Variants in NOTCH1 observed in about 807,000 individuals in gnomAD.
The protein encoded by NOTCH1 is notch receptor 1.
In NOTCH1, 37 loss-of-function variants were observed where a neutral mutation model predicts 254.8. That is an observed-to-expected ratio of 0.15 (90% confidence interval 0.11 to 0.19). The LOEUF is 0.19. Among genes scored for constraint, NOTCH1 ranks in the 10% least tolerant of loss-of-function variants. The probability of loss-of-function intolerance (pLI) is 1.00; values close to 1 mark genes in which losing one functional copy is unlikely to be tolerated. For synonymous variants in NOTCH1, 1,731 were observed against 1,618.1 expected (o/e 1.07, Z -1.68); for missense variants, 2,972 against 3,708.6 (o/e 0.80, Z 5.16).
At chr9:136,526,563 A>T (rs1380727652) in intron 2 of NOTCH1, among the ~76,000 whole-genome samples, 3 of 152,134 alleles carry the variant, frequency 2.0e-5, no homozygotes, top group African/African-American at 7.2e-5. Context: ...GGGACCCCAG[A>T]GGGGAGACGC....
chr9:136,544,395 C>T (rs529948719), intron 1 of NOTCH1, among the ~76,000 whole-genome samples: 9 of 152,150 alleles, frequency 5.9e-5, no homozygotes, highest in Non-Finnish European at 1.0e-4. Flanking sequence ...CCTGATGTGC[C>T]GCCTGGACGC....
chr9:136,527,570 T>C (rs553477748), intron 2 of NOTCH1, among the ~76,000 whole-genome samples: 3 of 152,128 alleles, frequency 2.0e-5, no homozygotes, highest in African/African-American at 4.8e-5. Context: ...GGCTAAAAAG[T>C]GAGGCTTGAG....
At position 136,498,890 on chromosome 9, in the gene NOTCH1, C is replaced by A. The variant is rs200371378; in HGVS notation, c.6180+9G>T. 11 of 1,613,298 alleles carry A rather than the reference C, an allele frequency of 6.8e-6. No homozygotes were observed. Among genetic ancestry groups the A allele is most frequent in the Non-Finnish European group, 8.5e-6 (10 of 1,179,912 alleles). On this transcript the variant is annotated intron_variant, in intron 33 of 33. Coordinates refer to ENST00000651671, the MANE Select transcript of NOTCH1 (RefSeq NM_017617.5). ...CACGTCTCCCCTGGCATCCCAGCCT[C>A]GCGCTCACCCTGTTGTTCTGCATAT... is the stretch of plus-strand genomic sequence containing the variant.
chr9:136,522,003 A>G, intron 4 of NOTCH1, among the ~76,000 whole-genome samples: 1 of 137,976 alleles, frequency 7.2e-6, no homozygotes. Context: ...TTTGAGACGG[A>G]GTCTCGCTCT....
chr9:136,516,933 G>A (rs1055704771), intron 9 of NOTCH1, among the ~76,000 whole-genome samples: 9 of 151,336 alleles, frequency 5.9e-5, no homozygotes, highest in Non-Finnish European at 1.3e-4. Context: ...AGGCCGGGGT[G>A]CAGACGGCCC....
chr9:136,519,389 G>A lies in NOTCH1; in HGVS notation c.865+54C>T, dbSNP rs967478622. 8 of 1,607,034 alleles carry A rather than the reference G, an allele frequency of 5.0e-6. No homozygotes were observed. The South Asian group carries it at 6.6e-5, about 13-fold the overall frequency. On this transcript the variant is annotated intron_variant, in intron 5 of 33. Transcript: ENST00000651671. The stretch of plus-strand genomic sequence containing the variant: ...TATGCCTGTGAGTGCAGTTTAGTAA[G>A]TGGGTAGCAGCCCCGCCCCGGCTAC...
Position 136,501,893 on chromosome 9 carries a change from C to A in NOTCH1, c.5493G>T (p.Leu1831=). 6.2e-7 allele frequency: 1 copy of A among 1,612,080 alleles called. No individual in the cohort carries two copies. Among genetic ancestry groups the A allele is most frequent in the Non-Finnish European group, 8.5e-7 (1 of 1,179,964 alleles). The change falls in exon 30 of 34, where the codon CTG becomes CTT. Residue 1831 remains leucine (L), a synonymous_variant. Transcript: ENST00000651671. The stretch of plus-strand genomic sequence containing the variant: ...GGTCTGTCTGGTCGTCCAGGTCAGG[C>A]AGAACCACGGGCTCCTCGAACTACA... ...KKFRFEEPVV[L]PDLDDQTDHR...
intron 28 of NOTCH1, 28 bp downstream of exon 28, chr9:136,502,244 C>T (rs2133330668): frequency 6.2e-7 from 1 of 1,606,160 alleles, no homozygotes. Flanking sequence ...CCACCGGGGA[C>T]CCAGAAGCAG....
rs1246200252 is a variant in NOTCH1, at chr9:136,513,209, T to TG, written c.2354-76dup. 10 of 1,444,176 alleles carry TG rather than the reference T, an allele frequency of 6.9e-6. No homozygotes were observed. Among genetic ancestry groups the TG allele is most frequent in the Non-Finnish European group, 9.7e-6 (10 of 1,029,446 alleles). 89.5% of individuals were successfully genotyped at this position (1,444,176 alleles called of 1,614,324 possible). ...TGGCAGGGCCCCACAACAGCAGCCC[T>TG]GGGCCTGCTCCCCACCCCAGGCCCC... On this transcript the variant is annotated intron_variant, in intron 14 of 33. Transcript: ENST00000651671. This position sits in a 1 kb window ranked among gnomAD's most constrained non-coding sequence, Gnocchi z 4.7.
intron 30 of NOTCH1, among the ~76,000 whole-genome samples, chr9:136,501,272 A>C (rs1465360536): frequency 6.6e-6 from 1 of 151,932 alleles, no homozygotes; most frequent in Non-Finnish European, 1.5e-5. Flanking sequence ...CATCGCTGCT[A>C]AAAATACAAA....
In NOTCH1 at chr9:136,513,576, A is replaced by C; in HGVS notation, c.2208-39T>G. On this transcript the variant is annotated intron_variant, in intron 13 of 33. Transcript: ENST00000651671. This position sits in a 1 kb window ranked among gnomAD's most constrained non-coding sequence, Gnocchi z 4.7. The stretch of plus-strand genomic sequence containing the variant: ...CACACTGCAGGTCGAGGGAGGCCCG[A>C]GCAGCACGGCCGGGGCCTGGGCACT... The C allele has an allele frequency of 1.2e-6, 2 of 1,611,358 alleles. No homozygotes were observed. The highest frequency in any genetic ancestry group is 1.7e-6 in the Non-Finnish European group (2 of 1,179,404).
In NOTCH1 at chr9:136,508,090, C is replaced by T. The variant is rs774729875; in HGVS notation, c.3375G>A (p.Ala1125=). ...GGCAGCGGCAGTGGTGCGTGTTGCC[C>T]GCGTCCACACAGAGCCCTCCATGCT... ...LCQHGGLCVD[A]GNTHHCRCQA... Residue 1125 remains alanine, a synonymous_variant, in exon 21 of 34, where the codon GCG becomes GCA. Transcript: ENST00000651671. 3.7e-6 allele frequency: 6 copies of T among 1,609,300 alleles called. No individual in the cohort carries two copies. The highest frequency in any genetic ancestry group is 2.2e-5 in the South Asian group (2 of 91,090).
At chr9:136,523,637 C>A (rs1200165750) in intron 3 of NOTCH1, 80 bp downstream of exon 3, 1 of 1,526,832 alleles carries the variant, frequency 6.5e-7, no homozygotes, top group Non-Finnish European at 8.8e-7. Flanking sequence ...GCCTGGATCC[C>A]GCCAAGTACC....
chr9:136,504,994 G>T lies in NOTCH1; in HGVS notation c.4697C>A (p.Pro1566His), dbSNP rs2133337356. The change falls in exon 26 of 34, where the codon CCC (proline) becomes CAC (histidine). Residue 1566 changes from proline (P) to histidine (H), a missense_variant. Transcript: ENST00000651671. ...CAGCGTGCCGGCCGCCAGCCTCTCG[G>T]GTACATGCTCCGCACAGTCCAGCCC... Reference protein sequence around the residue: ...WDGLDCAEHVPERLAAGTLVV... With the variant: ...WDGLDCAEHVHERLAAGTLVV... 6.3e-7 allele frequency: 1 copy of T among 1,599,390 alleles called. No individual in the cohort carries two copies. Among genetic ancestry groups the T allele is most frequent in the Non-Finnish European group, 8.5e-7 (1 of 1,174,198 alleles).
At chr9:136,518,449 A>T in intron 6 of NOTCH1, 142 bp downstream of exon 6, 3 of 1,131,968 alleles carry the variant, frequency 2.7e-6, no homozygotes, top group Non-Finnish European at 3.8e-6. Context: ...GGGGACTCAC[A>T]GCGACCACCG....
intron 2 of NOTCH1, among the ~76,000 whole-genome samples, chr9:136,531,474 T>A (rs1046090108): frequency 1.3e-5 from 2 of 152,182 alleles, no homozygotes; most frequent in Admixed American, 6.5e-5. Flanking sequence ...ACGGTCTGGA[T>A]GTTTTGCCTG....
chr9:136,539,040 G>A (rs1032197818), intron 2 of NOTCH1, among the ~76,000 whole-genome samples: 1 of 152,212 alleles, frequency 6.6e-6, no homozygotes, highest in Non-Finnish European at 1.5e-5. Flanking sequence ...GAGGAATGAA[G>A]CCAGTCCCGG....
In NOTCH1 at chr9:136,518,817, G is replaced by A. The variant is rs143654474; in HGVS notation, c.873C>T (p.Tyr291=). 8.0e-4 allele frequency: 1,292 copies of A among 1,612,690 alleles called. 11 individuals carry two copies. In the African/African-American group the frequency reaches 0.015, roughly 19 times the overall value. ...GGCACTCGTCCACATCCTCGGTACA[G>A]TACTGACCTGCAGGGAACAGGAGCT... ...CRCPPEWTGQ[Y]CTEDVDECQL... The change falls in exon 6 of 34, where the codon TAC becomes TAT. Residue 291 remains tyrosine, a synonymous_variant. Transcript: ENST00000651671.
Position 136,515,403 on chromosome 9 carries a change from G to A in NOTCH1, c.1904-3C>T, listed in dbSNP as rs748118679. 8 of 1,612,762 alleles carry A rather than the reference G, an allele frequency of 5.0e-6. No individual in the cohort carries two copies. The highest frequency in any genetic ancestry group is 6.8e-6 in the Non-Finnish European group (8 of 1,179,942). ...CAGGTTGATCTCGCAGTTGGGTCCT[G>A]AAGGGGTGGCACGTGTCGGTCAGTC... On this transcript the variant is annotated splice_polypyrimidine_tract_variant and splice_region_variant and intron_variant, in intron 11 of 33. Transcript: ENST00000651671.
Sources: gnomAD v4.1 joint callset for allele counts (sites outside exome capture counted in the v4.1 genomes callset) on GRCh38, gnomAD v4.1.1 for gene constraint, Gnocchi (gnomAD v3.1) non-coding constraint, MANE v1.5 for transcripts, NCBI Gene and HGNC (gene_info 2026-07-23, HGNC 2026-07-21) for gene names.